HM13: variants seen among roughly 807,000 people sequenced by gnomAD.
The protein encoded by HM13 is signal peptide peptidase.
In HM13, 18 loss-of-function variants were observed where a neutral mutation model predicts 50.0. The ratio of observed to expected loss-of-function variants is 0.36; its 90% confidence interval spans 0.25 to 0.53. The LOEUF is 0.53. HM13 is among the 20% of genes least tolerant of loss of function. The pLI is 0.90. For synonymous variants in HM13, 197 were observed against 232.6 expected, an observed-to-expected ratio of 0.85 and a Z score of 1.39; for missense variants, 393 against 552.4, an observed-to-expected ratio of 0.71 and a Z score of 2.89.
At chr20:31,523,198 A>G (rs931641349) in intron 1 of HM13, among the ~76,000 whole-genome samples, 2 of 151,334 alleles carry the variant, frequency 1.3e-5, no homozygotes, top group African/African-American at 4.9e-5. Context: ...CCATAGGCGC[A>G]CAATATCACA....
Position 31,550,285 on chromosome 20 carries a change from G to A in HM13, c.724+164G>A. The A allele has an allele frequency of 1.9e-5, 12 of 634,588 alleles. No individual in the cohort carries two copies. The South Asian group carries it at 2.1e-4, about 11-fold the overall frequency. 39.3% of individuals were successfully genotyped at this position (634,588 alleles called of 1,614,324 possible). A position where few individuals can be genotyped will look rare whatever the true frequency, so the allele number is the denominator to read the frequency against. On this transcript the variant is annotated intron_variant, in intron 7 of 12. Coordinates refer to ENST00000398174, the MANE Select transcript of HM13 (RefSeq NM_178581.3). ...TTATCCTCAATTGATTCATCTGGCT[G>A]TGTTCATCCTGCCCAGGTCCCGGCC... is the stretch of plus-strand genomic sequence containing the variant.
intron 9 of HM13, among the ~76,000 whole-genome samples, chr20:31,561,343 T>TA (rs1157243394): frequency 4.6e-5 from 7 of 152,338 alleles, no homozygotes; most frequent in Admixed American, 6.5e-5. Context: ...ACTAAAGTCT[T>TA]ACAGCCACTG....
Position 31,549,051 on chromosome 20 carries a change from C to T in HM13, c.477C>T (p.Asp159=), listed in dbSNP as rs750956171. The T allele has an allele frequency of 6.2e-7, 1 of 1,614,034 alleles. No homozygotes were observed. The highest frequency in any genetic ancestry group is 1.7e-5 in the Admixed American group (1 of 59,998). Residue 159 remains aspartate (D), a synonymous_variant, in exon 5 of 13, where the codon GAC becomes GAT. Coordinates refer to ENST00000398174, the MANE Select transcript of HM13 (RefSeq NM_178581.3). ...CAGAGATCATCAATTATGAATTTGACACCAAGGACCTGGTGTGCCTGGGCC... is the reference window on the plus strand; with the variant it reads ...CAGAGATCATCAATTATGAATTTGATACCAAGGACCTGGTGTGCCTGGGCC... The part of the protein sequence containing the change: ...NKEEIINYEF[D]TKDLVCLGLS...
At chr20:31,556,265 C>T (rs527500323) in intron 8 of HM13, among the ~76,000 whole-genome samples, 4 of 151,882 alleles carry the variant, frequency 2.6e-5, no homozygotes, top group Non-Finnish European at 4.4e-5. Context: ...CTCAAACTCC[C>T]GACCTCAGGT....
chr20:31,530,836 A>G (rs928593441), intron 2 of HM13, among the ~76,000 whole-genome samples: 1 of 152,142 alleles, frequency 6.6e-6, no homozygotes, highest in Non-Finnish European at 1.5e-5. Flanking sequence ...TAATTTGTGC[A>G]CTTATTTTCT....
At chr20:31,557,033 A>G (rs1199844034) in intron 8 of HM13, among the ~76,000 whole-genome samples, 2 of 151,502 alleles carry the variant, frequency 1.3e-5, no homozygotes, top group Non-Finnish European at 2.9e-5. Context: ...AAAAAAAAAA[A>G]AAGAATGGTG....
intron 2 of HM13, among the ~76,000 whole-genome samples, chr20:31,529,642 G>T (rs1268581406): frequency 6.6e-6 from 1 of 152,090 alleles, no homozygotes; most frequent in Non-Finnish European, 1.5e-5. Flanking sequence ...TAGGCTGGAC[G>T]CAGTGGCCCA....
At chr20:31,547,356 G>A (rs544021266) in intron 4 of HM13, 6 of 349,164 alleles carry the variant, frequency 1.7e-5, no homozygotes, top group African/African-American at 4.4e-5. Context: ...CGTAAAGCGC[G>A]CTGGCTGTGT....
At chr20:31,566,001 G>A (rs1600673100) in intron 10 of HM13, 3 of 449,488 alleles carry the variant, frequency 6.7e-6, no homozygotes, top group African/African-American at 2.0e-5. Flanking sequence ...GCCTACTTGA[G>A]TTTCTTAGTT....
chr20:31,544,415 A>G (rs1834019718), intron 3 of HM13, among the ~76,000 whole-genome samples: 1 of 152,368 alleles, frequency 6.6e-6, no homozygotes, highest in South Asian at 2.1e-4. Context: ...GATCCTGCCC[A>G]GGGGCTATGA....
intron 8 of HM13, 73 bp downstream of exon 8, chr20:31,554,902 A>T (rs537652314): frequency 6.6e-6 from 8 of 1,211,666 alleles, no homozygotes; most frequent in Non-Finnish European, 9.8e-6. Flanking sequence ...GATTACTGCT[A>T]AACAGACAGG....
At chr20:31,540,165 A>G (rs1384879910) in intron 3 of HM13, 2 of 152,334 alleles carry the variant, frequency 1.3e-5, no homozygotes, top group African/African-American at 2.4e-5. Context: ...CTCTTCACCC[A>G]CAAAATTCTA....
In HM13 at chr20:31,527,565, C is replaced by T; in HGVS notation, c.265C>T (p.Leu89Phe). ...CATCGCCAGCTGCACACTCTTGGGG[C>T]TCTACCTCTTTTTCAAAGTAAGTCT... The part of the protein sequence containing the change: ...PIIASCTLLG[L>F]YLFFKIFSQE... The change falls in exon 2 of 13, where the codon CTC (leucine) becomes TTC (phenylalanine). Residue 89 changes from leucine (L) to phenylalanine (F), a missense_variant. Leu to Phe is a conservative substitution (Grantham distance 22). Coordinates refer to ENST00000398174, the MANE Select transcript of HM13 (RefSeq NM_178581.3). The T allele has an allele frequency of 6.2e-7, 1 of 1,612,046 alleles. No homozygotes were observed. The highest frequency in any genetic ancestry group is 8.5e-7 in the Non-Finnish European group (1 of 1,178,800).
chr20:31,535,082 T>A (rs1331659931), intron 2 of HM13, among the ~76,000 whole-genome samples: 5 of 148,438 alleles, frequency 3.4e-5, no homozygotes, highest in Non-Finnish European at 5.9e-5. Flanking sequence ...CAAGACTCCG[T>A]CTCAAAAAAA....
chr20:31,525,472 G>T (rs1174709903), intron 1 of HM13, among the ~76,000 whole-genome samples: 1 of 152,188 alleles, frequency 6.6e-6, no homozygotes, highest in African/African-American at 2.4e-5. Flanking sequence ...TTGCAAGATG[G>T]ATATGGTGAT....
intron 3 of HM13, 36 bp from the exon 4 acceptor site, chr20:31,544,911 G>A (rs999018738): frequency 6.4e-7 from 1 of 1,571,078 alleles, no homozygotes; most frequent in Admixed American, 1.7e-5. Flanking sequence ...GCCCATGGGG[G>A]CTCTGTTTGC....
At chr20:31,552,941 C>T (rs1439225732) in intron 7 of HM13, among the ~76,000 whole-genome samples, 2 of 151,938 alleles carry the variant, frequency 1.3e-5, no homozygotes, top group African/African-American at 4.8e-5. Context: ...CACCACTGCA[C>T]TCCAGCCTGG....
At chr20:31,516,036 C>T (rs1981753450) in intron 1 of HM13, among the ~76,000 whole-genome samples, 1 of 152,220 alleles carries the variant, frequency 6.6e-6, no homozygotes, top group African/African-American at 2.4e-5. Flanking sequence ...GCTCTGTATG[C>T]GATCAGATGC....
rs1401780760 is a variant in HM13, at chr20:31,569,201, G to A, written c.1263G>A (p.Leu421=). Residue 421 remains leucine (L), a synonymous_variant, in exon 13 of 13, where the codon CTG becomes CTA. Transcript: ENST00000398174. ...EGTEASASKG[L]EKKEK ...CAGAGGCATCAGCATCGAAGGGGCTGGAGAAGAAAGAGAAATGATGCAGCT... is the reference window on the plus strand; with the variant it reads ...CAGAGGCATCAGCATCGAAGGGGCTAGAGAAGAAAGAGAAATGATGCAGCT... 1.9e-6 allele frequency: 3 copies of A among 1,595,508 alleles called. No individual in the cohort carries two copies. Among genetic ancestry groups the A allele is most frequent in the East Asian group, 2.2e-5 (1 of 44,466 alleles).
Sources: gnomAD v4.1 joint callset for allele counts (sites outside exome capture counted in the v4.1 genomes callset) on GRCh38, gnomAD v4.1.1 for gene constraint, MANE v1.5 for transcripts, NCBI Gene and HGNC (gene_info 2026-07-23, HGNC 2026-07-21) for gene names.